SCN2A: variants seen among roughly 807,000 people sequenced by gnomAD.
The protein encoded by SCN2A is sodium channel protein type 2 subunit alpha.
A neutral mutation model predicts 188.7 loss-of-function variants in SCN2A; 20 were observed. That is an observed-to-expected ratio of 0.11 (90% CI 0.07 to 0.15). SCN2A has a LOEUF of 0.15. Among genes scored for constraint, SCN2A ranks in the 10% least tolerant of loss-of-function variants. SCN2A has a pLI of 1.00. For missense variants in SCN2A, 1,278 were observed against 2,445.0 expected (o/e 0.52, Z 10.07); for synonymous variants, 804 against 833.1 (o/e 0.97, Z 0.60).
intron 1 of SCN2A, chr2:165,268,963 G>A (rs956840355): frequency 3.9e-5 from 6 of 152,022 alleles, no homozygotes; most frequent in African/African-American, 7.2e-5. Context: ...ACAGAAAGTA[G>A]AATGGTGGTT....
chr2:165,278,860 G>A (rs1695462935), intron 1 of SCN2A, among the ~76,000 whole-genome samples: 1 of 152,140 alleles, frequency 6.6e-6, no homozygotes, highest in South Asian at 2.1e-4. Flanking sequence ...GGCCTGGGAG[G>A]TCAAGGTTGC....
rs1380754957 is a variant in SCN2A, at chr2:165,354,181, C to A, written c.2920-11C>A. On this transcript the variant is annotated splice_polypyrimidine_tract_variant and intron_variant, in intron 16 of 26. Transcript: ENST00000375437. ...ATGTTTTGATCACCTGTTTTTCCTG[C>A]TGTGTTTCAGGTTCTGAACCTCTTC... 1 of 1,613,258 alleles carries A rather than the reference C, an allele frequency of 6.2e-7. No homozygotes were observed. The highest frequency in any genetic ancestry group is 1.7e-5 in the Admixed American group (1 of 60,000).
intron 1 of SCN2A, among the ~76,000 whole-genome samples, chr2:165,291,298 C>T (rs1256336305): frequency 2.6e-4 from 39 of 151,506 alleles, no homozygotes; most frequent in Admixed American, 2.6e-3. Flanking sequence ...CCTGCTTCGG[C>T]CTCCCAGAGT....
chr2:165,359,367 ATT>A (rs1180258774), intron 17 of SCN2A, among the ~76,000 whole-genome samples: 1 of 152,082 alleles, frequency 6.6e-6, no homozygotes, highest in Admixed American at 6.6e-5. Context: ...TAGTTTCCTT[ATT>A]CTCTGAGTAT....
intron 16 of SCN2A, 105 bp downstream of exon 16, chr2:165,345,016 T>C: frequency 7.2e-7 from 1 of 1,385,932 alleles, no homozygotes. Context: ...CAAGGCCACT[T>C]CCTATTGTCT....
intron 10 of SCN2A, 148 bp from the exon 11 acceptor site, chr2:165,315,323 T>A: frequency 7.7e-7 from 1 of 1,303,120 alleles, no homozygotes; most frequent in South Asian, 1.5e-5. Flanking sequence ...ATTGGTCTAA[T>A]AACAATGTAC....
At chr2:165,255,767 A>C (rs1278061718) in intron 1 of SCN2A, among the ~76,000 whole-genome samples, 1 of 152,150 alleles carries the variant, frequency 6.6e-6, no homozygotes. Context: ...TAATGCCCTC[A>C]TGTAATAATG....
intron 14 of SCN2A, 25 bp downstream of exon 14, chr2:165,331,593 T>C (rs1383400565): frequency 6.4e-7 from 1 of 1,556,370 alleles, no homozygotes; most frequent in Admixed American, 1.7e-5. Context: ...GAGTTTCTCT[T>C]CCTCTTGAAA....
intron 3 of SCN2A, 102 bp downstream of exon 3, chr2:165,297,237 C>A: frequency 2.8e-6 from 2 of 704,664 alleles, no homozygotes; most frequent in Non-Finnish European, 5.2e-6. Flanking sequence ...GTTATGTGTT[C>A]TTTCTTTTTC....
intron 1 of SCN2A, among the ~76,000 whole-genome samples, chr2:165,253,200 T>C (rs1694169503): frequency 6.6e-6 from 1 of 152,112 alleles, no homozygotes; most frequent in Non-Finnish European, 1.5e-5. Flanking sequence ...TTTATTAAAC[T>C]CCTCAGGATC....
At chr2:165,307,705 CAA>C (rs3214603) in intron 3 of SCN2A, 141 bp from the exon 4 acceptor site, 33 of 667,564 alleles carry the variant, frequency 4.9e-5, no homozygotes, top group Middle Eastern at 3.9e-4. Flanking sequence ...ATAGAAATGG[CAA>C]AAAAAAGGGT....
At position 165,291,424 on chromosome 2, in the gene SCN2A, CTG is replaced by C. The variant is rs1383412040; in HGVS notation, c.-51-4347_-51-4346del. ...CCTTCCTTCCTTCCTTCCTCCCTGT[CTG>C]TCTTTCTTTCTCTTTCTTTCTTTCT... is the stretch of plus-strand genomic sequence containing the variant. On this transcript the variant is annotated intron_variant, in intron 1 of 26. Transcript: ENST00000375437. 2.1e-3 allele frequency among the ~76,000 whole-genome samples: 287 copies of C among 139,538 alleles called. 7 individuals carry two copies. The highest frequency in any genetic ancestry group is 0.019 in the Admixed American group (258 of 13,816). 91.5% of individuals were successfully genotyped at this position (139,538 alleles called of 152,430 possible). A position where few individuals can be genotyped will look rare whatever the true frequency, so the allele number is the denominator to read the frequency against.
chr2:165,248,566 G>A (rs948164564), intron 1 of SCN2A, among the ~76,000 whole-genome samples: 5 of 151,718 alleles, frequency 3.3e-5, no homozygotes, highest in South Asian at 2.1e-4. Context: ...CATTCTTATC[G>A]TCTCCCACAT....
chr2:165,360,962 A>G (rs149890744), intron 17 of SCN2A, among the ~76,000 whole-genome samples: 1 of 152,096 alleles, frequency 6.6e-6, no homozygotes, highest in Non-Finnish European at 1.5e-5. Flanking sequence ...TCACTGTTCT[A>G]ATTGGTGACT....
chr2:165,353,888 G>A (rs1452347659), intron 16 of SCN2A, among the ~76,000 whole-genome samples: 5 of 151,706 alleles, frequency 3.3e-5, no homozygotes, highest in Non-Finnish European at 2.9e-5. Context: ...CCAAATAAAA[G>A]GGTTTTTTTT....
chr2:165,382,710 A>G (rs557650324), intron 25 of SCN2A, among the ~76,000 whole-genome samples: 24 of 152,284 alleles, frequency 1.6e-4, no homozygotes, highest in African/African-American at 4.8e-4. Context: ...TGGTTCCACT[A>G]TCATATACTG....
intron 14 of SCN2A, among the ~76,000 whole-genome samples, chr2:165,336,818 C>T (rs1409191978): frequency 6.6e-6 from 1 of 151,898 alleles, no homozygotes; most frequent in Non-Finnish European, 1.5e-5. Flanking sequence ...AGTAAATGTT[C>T]TTGTATATAT....
At chr2:165,380,162 G>A (rs542868490) in intron 23 of SCN2A, among the ~76,000 whole-genome samples, 58 of 151,864 alleles carry the variant, frequency 3.8e-4, no homozygotes, top group African/African-American at 1.4e-3. Flanking sequence ...CACACTATGA[G>A]GTTTAAGTTT....
intron 1 of SCN2A, among the ~76,000 whole-genome samples, chr2:165,265,883 G>A (rs1473075003): frequency 1.3e-5 from 2 of 150,654 alleles, no homozygotes; most frequent in Admixed American, 6.6e-5. Context: ...GTCTAGTGGT[G>A]CAATCATAGC....
Sources: allele counts gnomAD v4.1 joint callset (sites outside exome capture counted in the v4.1 genomes callset), GRCh38; gene constraint gnomAD v4.1.1; transcripts MANE v1.5; gene names NCBI Gene and HGNC (gene_info 2026-07-23, HGNC 2026-07-21).